ROCK2: variants seen among roughly 807,000 people sequenced by gnomAD.
The protein encoded by ROCK2 is rho-associated protein kinase 2.
ROCK2 carries 61 observed loss-of-function variants against 195.1 expected under a neutral mutation model. The observed-to-expected ratio is 0.31, with a 90% confidence interval of 0.25 to 0.39. The LOEUF is 0.39. ROCK2 is among the 10% of genes least tolerant of loss of function. The pLI, the probability that ROCK2 is intolerant of heterozygous loss-of-function variation, is 1.00. For missense variants in ROCK2, 1,109 were observed against 1,637.4 expected (o/e 0.68, Z 5.57); for synonymous variants, 504 against 545.5 (o/e 0.92, Z 1.06).
At chr2:11,252,353 G>A (rs1249997720) in intron 3 of ROCK2, among the ~76,000 whole-genome samples, 1 of 150,618 alleles carries the variant, frequency 6.6e-6, no homozygotes, top group East Asian at 2.0e-4. Context: ...TGAGGCTGCA[G>A]CCAGCCAAGA....
At position 11,183,421 on chromosome 2, in the gene ROCK2, C is replaced by T. The variant is rs1247794465; in HGVS notation, c.*16G>A. ...ATACGATCACCTTGAATAATGACTG[C>T]TTTCATAGAAGGCAGTTAGCTGAAA... On this transcript the variant is annotated 3_prime_UTR_variant, in exon 33 of 33. Coordinates refer to ENST00000315872, the MANE Select transcript of ROCK2 (RefSeq NM_004850.5). 1.9e-6 allele frequency: 3 copies of T among 1,594,888 alleles called. No individual in the cohort carries two copies. The highest frequency in any genetic ancestry group is 3.5e-5 in the Admixed American group (2 of 57,818).
In ROCK2 at chr2:11,192,634, T is replaced by C. The variant is rs753030793; in HGVS notation, c.3766A>G (p.Ile1256Val). 5 of 1,613,960 alleles carry C rather than the reference T, an allele frequency of 3.1e-6. No individual in the cohort carries two copies. The highest frequency in any genetic ancestry group is 3.4e-6 in the Non-Finnish European group (4 of 1,179,950). The change falls in exon 31 of 33, where the codon ATT (isoleucine) becomes GTT (valine). Residue 1256 changes from isoleucine (I) to valine (V), a missense_variant. Coordinates refer to ENST00000315872, the MANE Select transcript of ROCK2 (RefSeq NM_004850.5). This position sits in a 1 kb window ranked among gnomAD's most constrained non-coding sequence, Gnocchi z 5.0. ...ATAAACTCATGTCCCTTGTGGCAAATATAATTAGATTTTTCTCCAACTGGC... is the reference window on the plus strand; with the variant it reads ...ATAAACTCATGTCCCTTGTGGCAAACATAATTAGATTTTTCTCCAACTGGC... ...VEPVGEKSNY[I>V]CHKGHEFIPT...
intron 3 of ROCK2, among the ~76,000 whole-genome samples, chr2:11,254,931 T>C (rs955254171): frequency 1.3e-5 from 2 of 150,066 alleles, no homozygotes; most frequent in African/African-American, 4.9e-5. Flanking sequence ...TTAAAAGAAC[T>C]TGGGGGCCGG....
chr2:11,239,150 A>G (rs542240506), intron 4 of ROCK2, among the ~76,000 whole-genome samples: 2 of 152,304 alleles, frequency 1.3e-5, no homozygotes, highest in South Asian at 4.1e-4. Flanking sequence ...ATGAACCTAG[A>G]TTAGACAAAG....
At chr2:11,225,480 ATTT>A (rs139969005) in intron 6 of ROCK2, among the ~76,000 whole-genome samples, 1 of 151,766 alleles carries the variant, frequency 6.6e-6, no homozygotes, top group African/African-American at 2.4e-5. Flanking sequence ...TATGTTAAAA[ATTT>A]TTTATTTATT....
intron 3 of ROCK2, among the ~76,000 whole-genome samples, chr2:11,276,353 CAA>C (rs1558351161): frequency 6.6e-6 from 1 of 152,094 alleles, no homozygotes; most frequent in African/African-American, 2.4e-5. Flanking sequence ...AGTCAACACT[CAA>C]AAGTCAATTA....
intron 3 of ROCK2, among the ~76,000 whole-genome samples, chr2:11,259,157 C>T (rs1306980138): frequency 6.6e-6 from 1 of 151,202 alleles, no homozygotes; most frequent in Admixed American, 6.6e-5. Context: ...GGGCTGATGG[C>T]CTTTTAGGCT....
chr2:11,344,248 C>A lies in ROCK2; in HGVS notation c.-112G>T, dbSNP rs556029751. 12 of 1,303,790 alleles carry A rather than the reference C, an allele frequency of 9.2e-6. No individual in the cohort carries two copies. The East Asian group carries it at 3.5e-4, about 38-fold the overall frequency. 80.8% of individuals were successfully genotyped at this position (1,303,790 alleles called of 1,614,324 possible). A position where few individuals can be genotyped will look rare whatever the true frequency, so the allele number is the denominator to read the frequency against. ...CGGCCGGGACTCCACCCGGGCCCAC[C>A]GCCTGCCTCTAGCTCCGGCTTCGGG... is the stretch of plus-strand genomic sequence containing the variant. On this transcript the variant is annotated 5_prime_UTR_variant, in exon 1 of 33. Transcript: ENST00000315872. This position sits in a 1 kb window ranked among gnomAD's most constrained non-coding sequence, Gnocchi z 5.4.
At chr2:11,299,616 C>A (rs1667644177) in intron 1 of ROCK2, among the ~76,000 whole-genome samples, 6 of 151,888 alleles carry the variant, frequency 4.0e-5, no homozygotes, top group Admixed American at 3.9e-4. Context: ...GAAGCTGCAA[C>A]CAGGAGCAGG....
At position 11,197,162 on chromosome 2, in the gene ROCK2, C is replaced by T. The variant is rs1463328886; in HGVS notation, c.3448+18G>A. On this transcript the variant is annotated intron_variant, in intron 27 of 32. Transcript: ENST00000315872. The surrounding 1 kb of genome is among the most constrained non-coding windows in gnomAD (Gnocchi z 4.9). ...TTTATATTTAAGATAAATATTAGTG[C>T]TGAAAACAAATCCATACCTGGAAAC... 1.5e-5 allele frequency: 24 copies of T among 1,567,642 alleles called. No individual in the cohort carries two copies. The highest frequency in any genetic ancestry group is 7.7e-5 in the Admixed American group (4 of 51,678).
chr2:11,257,397 A>G (rs1666074679), intron 3 of ROCK2, among the ~76,000 whole-genome samples: 1 of 151,440 alleles, frequency 6.6e-6, no homozygotes, highest in African/African-American at 2.5e-5. Context: ...GTGGTTGAAG[A>G]TTACGTTGGA....
At chr2:11,188,658 C>T (rs578171957) in intron 32 of ROCK2, among the ~76,000 whole-genome samples, 1 of 151,532 alleles carries the variant, frequency 6.6e-6, no homozygotes, top group South Asian at 2.1e-4. Context: ...CGGAGTCTCA[C>T]TGTCGCCCAG....
intron 1 of ROCK2, among the ~76,000 whole-genome samples, chr2:11,342,853 G>C (rs904814496): frequency 1.3e-5 from 2 of 152,160 alleles, no homozygotes; most frequent in Non-Finnish European, 2.9e-5. Context: ...GTCAGTTCCT[G>C]CATTTTGACC....
intron 17 of ROCK2, 76 bp downstream of exon 17, chr2:11,214,281 C>T (rs1167769355): frequency 1.3e-6 from 1 of 779,508 alleles, no homozygotes; most frequent in African/African-American, 1.7e-5. Context: ...AGTGACTTCC[C>T]TTAGTTTAGA....
chr2:11,286,693 A>G lies in ROCK2; in HGVS notation c.224-54T>C, dbSNP rs188389437. The G allele has an allele frequency of 5.2e-5, 51 of 989,444 alleles. No individual in the cohort carries two copies. In the East Asian group the frequency reaches 1.3e-3, roughly 25 times the overall value. 61.3% of individuals were successfully genotyped at this position (989,444 alleles called of 1,614,324 possible). On this transcript the variant is annotated intron_variant, in intron 2 of 32. Coordinates refer to ENST00000315872, the MANE Select transcript of ROCK2 (RefSeq NM_004850.5). ...ATATCAATCATATTTATATTTTTACATAATCAACATTTATAAATATATTTT... is the reference window on the plus strand; with the variant it reads ...ATATCAATCATATTTATATTTTTACGTAATCAACATTTATAAATATATTTT...
At chr2:11,238,170 T>C (rs536899941) in intron 4 of ROCK2, among the ~76,000 whole-genome samples, 2 of 141,532 alleles carry the variant, frequency 1.4e-5, no homozygotes, top group Admixed American at 7.0e-5. Flanking sequence ...AAGGAAGAAA[T>C]AGGAAAGCAT....
chr2:11,298,424 C>A (rs996056323), intron 1 of ROCK2, among the ~76,000 whole-genome samples: 1 of 140,794 alleles, frequency 7.1e-6, no homozygotes, highest in South Asian at 2.4e-4. Flanking sequence ...GAGCCAAGAT[C>A]GTGCCACTCC....
intron 23 of ROCK2, among the ~76,000 whole-genome samples, chr2:11,199,631 G>T (rs1663780679): frequency 1.3e-5 from 2 of 151,986 alleles, no homozygotes; most frequent in Admixed American, 1.3e-4. Context: ...ATGCCAGGCT[G>T]CGATTTTCTA....
At chr2:11,328,572 T>G (rs896653927) in intron 1 of ROCK2, among the ~76,000 whole-genome samples, 1 of 152,230 alleles carries the variant, frequency 6.6e-6, no homozygotes, top group Non-Finnish European at 1.5e-5. Context: ...TCTTAGCTTT[T>G]CTGACTCCAA....
Sources: allele counts gnomAD v4.1 joint callset (sites outside exome capture counted in the v4.1 genomes callset), GRCh38; gene constraint gnomAD v4.1.1; non-coding constraint Gnocchi (gnomAD v3.1); transcripts MANE v1.5; gene names NCBI Gene and HGNC (gene_info 2026-07-23, HGNC 2026-07-21).